Variants in NAALADL2 observed in about 807,000 individuals in gnomAD.
NAALADL2 encodes N-acetylated alpha-linked acidic dipeptidase like 2, also known as inactive N-acetylated-alpha-linked acidic dipeptidase-like protein 2.
In NAALADL2, 76 loss-of-function variants were observed where a neutral mutation model predicts 87.2. The ratio of observed to expected loss-of-function variants is 0.87; its 90% CI spans 0.72 to 1.05. The LOEUF is 1.05. Ranked by LOEUF, NAALADL2 falls within the 50% of genes least tolerant of loss-of-function variation. The pLI is 0.00. For missense variants in NAALADL2, 1,089 were observed against 945.8 expected (o/e 1.15, Z -1.99); for synonymous variants, 354 against 331.0 (o/e 1.07, Z -0.75).
At chr3:175,463,698 G>GGC (rs1295459109) in intron 7 of NAALADL2, among the ~76,000 whole-genome samples, 2 of 119,106 alleles carry the variant, frequency 1.7e-5, no homozygotes, top group South Asian at 3.0e-4. Context: ...AATCTTAGTC[G>GGC]GGGGAGAGAG....
chr3:175,122,159 C>G (rs968969283), intron 2 of NAALADL2, among the ~76,000 whole-genome samples: 3 of 151,804 alleles, frequency 2.0e-5, no homozygotes, highest in Non-Finnish European at 4.4e-5. Context: ...AAATAAGCCC[C>G]TGCCTATGCT....
chr3:174,472,899 GT>G (rs1262940461), intron 1 of NAALADL2, among the ~76,000 whole-genome samples: 2 of 151,986 alleles, frequency 1.3e-5, no homozygotes, highest in East Asian at 3.9e-4. Flanking sequence ...TGTGTTTATT[GT>G]GCAGTATCAT....
At chr3:175,475,382 AT>A (rs1490442990) in intron 9 of NAALADL2, among the ~76,000 whole-genome samples, 1 of 152,146 alleles carries the variant, frequency 6.6e-6, no homozygotes, top group East Asian at 1.9e-4. Flanking sequence ...AAACAAACAC[AT>A]ATGCACCTCT....
At chr3:175,450,115 TA>T (rs1721338389) in intron 6 of NAALADL2, among the ~76,000 whole-genome samples, 1 of 152,084 alleles carries the variant, frequency 6.6e-6, no homozygotes, top group South Asian at 2.1e-4. Flanking sequence ...GAACTGAATT[TA>T]ATGTAGGATT....
At chr3:174,707,894 T>C (rs551889979) in intron 2 of NAALADL2, among the ~76,000 whole-genome samples, 20 of 152,036 alleles carry the variant, frequency 1.3e-4, no homozygotes, top group Admixed American at 3.3e-4. Context: ...ATGTATCTGG[T>C]AAGGGAATAT....
At chr3:174,630,432 A>G (rs533937405) in intron 2 of NAALADL2, among the ~76,000 whole-genome samples, 1 of 152,342 alleles carries the variant, frequency 6.6e-6, no homozygotes, top group South Asian at 2.1e-4. Flanking sequence ...TGATTTCTGC[A>G]TAGATTTATG....
chr3:174,473,929 T>TA lies in NAALADL2; in HGVS notation c.-184+32898dup, dbSNP rs572151913. ...GTGGCTGGGGAGGCCTCAGGAAACTTATAATCATGGTGAAAGGCACCTCGT... is the reference window on the plus strand; with the variant it reads ...GTGGCTGGGGAGGCCTCAGGAAACTTAATAATCATGGTGAAAGGCACCTCGT... On this transcript the variant is annotated intron_variant, in intron 1 of 3. Coordinates refer to the NAALADL2 transcript ENST00000434257. Among the ~76,000 whole-genome samples, 476 of 152,224 alleles carry TA rather than the reference T, an allele frequency of 3.1e-3. 1 individual carries two copies. The highest frequency in any genetic ancestry group is 5.4e-3 in the Non-Finnish European group (367 of 67,998).
chr3:174,900,230 A>G (rs1560341277), intron 1 of NAALADL2, among the ~76,000 whole-genome samples: 1 of 152,086 alleles, frequency 6.6e-6, no homozygotes, highest in African/African-American at 2.4e-5. Context: ...TATTATAGAT[A>G]AAATGGACAA....
chr3:175,325,434 T>G (rs1190803417), intron 5 of NAALADL2, among the ~76,000 whole-genome samples: 1 of 152,230 alleles, frequency 6.6e-6, no homozygotes, highest in Admixed American at 6.5e-5. Flanking sequence ...GTTACAATTT[T>G]AAGTTAGAAT....
intron 9 of NAALADL2, among the ~76,000 whole-genome samples, chr3:175,542,781 G>A (rs1275159471): frequency 6.6e-5 from 10 of 152,108 alleles, no homozygotes; most frequent in Non-Finnish European, 1.3e-4. Context: ...ATGTTGTTCC[G>A]GGGCCAACTG....
At chr3:175,640,827 T>C (rs1344092442) in intron 11 of NAALADL2, among the ~76,000 whole-genome samples, 2 of 152,170 alleles carry the variant, frequency 1.3e-5, no homozygotes, top group East Asian at 3.9e-4. Context: ...TAAAATCTTA[T>C]GGAAAATGCA....
rs149418385 is a variant in NAALADL2 at position 175,352,331 on chromosome 3, G to A, written c.1090+28006G>A. Among the ~76,000 whole-genome samples the A allele has an allele frequency of 1.8e-3, 279 of 152,238 alleles. 2 individuals carry two copies. Among genetic ancestry groups the A allele is most frequent in the African/African-American group, 6.5e-3 (268 of 41,542 alleles). ...GAAGGAAGGGTGAGGCTTAAAAGCT[G>A]TCAGCAGTCAAACAACAAAAAATGG... On this transcript the variant is annotated intron_variant, in intron 5 of 13. Transcript: ENST00000454872.
chr3:175,686,961 T>C (rs1736382522), intron 11 of NAALADL2, among the ~76,000 whole-genome samples: 1 of 152,188 alleles, frequency 6.6e-6, no homozygotes, highest in Non-Finnish European at 1.5e-5. Context: ...ATTTACACTA[T>C]CATTCCCATT....
chr3:174,765,134 A>G (rs924388202), intron 3 of NAALADL2, among the ~76,000 whole-genome samples: 2 of 123,734 alleles, frequency 1.6e-5, no homozygotes, highest in African/African-American at 5.4e-5. Context: ...ACACACACAC[A>G]CACACACACG....
intron 6 of NAALADL2, among the ~76,000 whole-genome samples, chr3:175,449,297 C>G (rs937427558): frequency 1.3e-5 from 2 of 151,874 alleles, no homozygotes; most frequent in African/African-American, 4.8e-5. Context: ...CAGGGCTAGT[C>G]TCAAATTCCT....
intron 13 of NAALADL2, among the ~76,000 whole-genome samples, chr3:175,798,650 CTAAAACAGTAATCATTCTAA>C (rs1295834263): frequency 6.6e-6 from 1 of 152,020 alleles, no homozygotes; most frequent in African/African-American, 2.4e-5. Context: ...ATTTTCAGTT[CTAAAACAGTAATCATTCTAA>C]TTTCTTGTGT....
At chr3:175,772,326 G>A (rs1319806447) in intron 13 of NAALADL2, among the ~76,000 whole-genome samples, 1 of 151,826 alleles carries the variant, frequency 6.6e-6, no homozygotes, top group African/African-American at 2.4e-5. Flanking sequence ...CTGGGACTAG[G>A]ACTCTACAAA....
At chr3:175,069,843 T>C (rs1715271138) in intron 1 of NAALADL2, among the ~76,000 whole-genome samples, 1 of 149,074 alleles carries the variant, frequency 6.7e-6, no homozygotes, top group African/African-American at 2.5e-5. Flanking sequence ...TAAAAAATGA[T>C]GAGTTCATGT....
intron 3 of NAALADL2, among the ~76,000 whole-genome samples, chr3:174,806,824 G>A (rs1229100505): frequency 2.6e-5 from 4 of 152,168 alleles, no homozygotes; most frequent in East Asian, 1.9e-4. Context: ...ACATATTTAT[G>A]TAGTCCTTTC....
Sources: gnomAD v4.1 joint callset for allele counts (sites outside exome capture counted in the v4.1 genomes callset) on GRCh38, gnomAD v4.1.1 for gene constraint, MANE v1.5 for transcripts, NCBI Gene and HGNC (gene_info 2026-07-23, HGNC 2026-07-21) for gene names.